The following ADGRL2 variants were observed in gnomAD, a reference collection of about 807,000 sequenced individuals.
ADGRL2 encodes calcium-independent alpha-latrotoxin receptor 2.
In ADGRL2, 44 loss-of-function variants were observed where a neutral mutation model predicts 157.4. That is an observed-to-expected ratio of 0.28 (90% CI 0.22 to 0.36). ADGRL2 has a LOEUF of 0.36. Ranked by LOEUF, ADGRL2 falls within the 10% of genes least tolerant of loss-of-function variation. ADGRL2 has a pLI of 1.00. For missense variants in ADGRL2, 1,510 were observed against 1,768.9 expected, an observed-to-expected ratio of 0.85 and a Z score of 2.63; for synonymous variants, 585 against 624.7, an observed-to-expected ratio of 0.94 and a Z score of 0.95.
chr1:81,851,488 C>CT (rs2093004009), intron 2 of ADGRL2, among the ~76,000 whole-genome samples: 1 of 151,686 alleles, frequency 6.6e-6, no homozygotes, highest in African/African-American at 2.4e-5. Context: ...AGAAAATCCT[C>CT]TGTGATTTTA....
At chr1:81,485,014 A>G (rs2078470320) in intron 2 of ADGRL2, among the ~76,000 whole-genome samples, 1 of 152,142 alleles carries the variant, frequency 6.6e-6, no homozygotes, top group African/African-American at 2.4e-5. Context: ...GGAAAAACTA[A>G]AAGTTTCATC....
chr1:81,821,009 G>A (rs959208640), intron 1 of ADGRL2, among the ~76,000 whole-genome samples: 15 of 152,214 alleles, frequency 9.9e-5, no homozygotes, highest in African/African-American at 3.6e-4. Flanking sequence ...CCTGGTGTGT[G>A]ATGGCTTGCT....
At chr1:81,554,786 T>A (rs2080233043) in intron 2 of ADGRL2, among the ~76,000 whole-genome samples, 1 of 152,110 alleles carries the variant, frequency 6.6e-6, no homozygotes, top group Non-Finnish European at 1.5e-5. Flanking sequence ...AGGGGATTTG[T>A]TGGTGTCAGG....
At chr1:81,948,518 G>A (rs1650671739) in intron 6 of ADGRL2, among the ~76,000 whole-genome samples, 2 of 152,128 alleles carry the variant, frequency 1.3e-5, no homozygotes, top group Admixed American at 6.6e-5. Flanking sequence ...TTTCTGTTCT[G>A]ATTCCCGACT....
intron 2 of ADGRL2, among the ~76,000 whole-genome samples, chr1:81,551,694 T>G (rs1003043817): frequency 4.6e-5 from 7 of 152,118 alleles, no homozygotes; most frequent in Non-Finnish European, 1.0e-4. Flanking sequence ...AAATAGGAAA[T>G]TAAGATCTAG....
At chr1:81,505,828 T>C (rs1246805246) in intron 2 of ADGRL2, among the ~76,000 whole-genome samples, 2 of 152,140 alleles carry the variant, frequency 1.3e-5, no homozygotes, top group African/African-American at 4.8e-5. Context: ...ACGTTTTTAC[T>C]TTCTGATATC....
At chr1:81,884,472 C>G (rs1371224239) in intron 2 of ADGRL2, among the ~76,000 whole-genome samples, 1 of 152,062 alleles carries the variant, frequency 6.6e-6, no homozygotes, top group Non-Finnish European at 1.5e-5. Flanking sequence ...AATTTCCTGC[C>G]TGGTATTTTA....
chr1:81,361,164 G>A (rs1368121807), intron 1 of ADGRL2, among the ~76,000 whole-genome samples: 1 of 151,882 alleles, frequency 6.6e-6, no homozygotes, highest in Non-Finnish European at 1.5e-5. Context: ...TCATTCGTTA[G>A]ATGATTCACT....
chr1:81,674,240 T>A (rs2082937009), intron 3 of ADGRL2, among the ~76,000 whole-genome samples: 1 of 152,326 alleles, frequency 6.6e-6, no homozygotes, highest in South Asian at 2.1e-4. Flanking sequence ...ACTTAGTAGT[T>A]GAATGACCTT....
At chr1:81,857,494 C>G (rs896374891) in intron 2 of ADGRL2, among the ~76,000 whole-genome samples, 6 of 152,154 alleles carry the variant, frequency 3.9e-5, no homozygotes, top group Non-Finnish European at 8.8e-5. Context: ...TGCCGGACAT[C>G]TTACTTAACT....
At chr1:81,959,989 G>A (rs1414175948) in intron 11 of ADGRL2, among the ~76,000 whole-genome samples, 2 of 151,826 alleles carry the variant, frequency 1.3e-5, no homozygotes, top group African/African-American at 2.4e-5. Context: ...TAGTTAAGAC[G>A]GGATTTCACC....
At chr1:81,765,756 T>G (rs1384355888) in intron 2 of ADGRL2, among the ~76,000 whole-genome samples, 1 of 152,072 alleles carries the variant, frequency 6.6e-6, no homozygotes, top group Non-Finnish European at 1.5e-5. Flanking sequence ...AAACATACTT[T>G]ATTTCTGAAA....
At chr1:81,427,633 A>T in intron 1 of ADGRL2, 1 of 619,262 alleles carries the variant, frequency 1.6e-6, no homozygotes, top group Non-Finnish European at 3.0e-6. Flanking sequence ...AAAGGGCTGC[A>T]GCTCTTAGCA....
chr1:81,391,158 C>T (rs377693036), intron 1 of ADGRL2, among the ~76,000 whole-genome samples: 268 of 152,090 alleles, frequency 1.8e-3, no homozygotes, highest in African/African-American at 6.2e-3. Flanking sequence ...TTATCTGAAA[C>T]TCACCAAAAT....
Position 81,884,608 on chromosome 1 carries a change from G to A in ADGRL2, c.74-22409G>A, listed in dbSNP as rs1212537098. Among the ~76,000 whole-genome samples, 5 of 152,162 alleles carry A rather than the reference G, an allele frequency of 3.3e-5. No individual in the cohort carries two copies. The East Asian group carries it at 7.7e-4, about 24-fold the overall frequency. On this transcript the variant is annotated intron_variant, in intron 2 of 23. Coordinates refer to ENST00000686636, the MANE Select transcript of ADGRL2 (RefSeq NM_001366006.2). ...GTATCTGCTCTTTCATATAACATTC[G>A]GAAACTCTTGTGACATAATCAGGGC... is the stretch of plus-strand genomic sequence containing the variant.
chr1:81,678,528 A>C (rs1026533881), intron 3 of ADGRL2, among the ~76,000 whole-genome samples: 8 of 152,216 alleles, frequency 5.3e-5, no homozygotes, highest in Non-Finnish European at 1.2e-4. Flanking sequence ...CTACTTGTTT[A>C]GACATAGCAT....
chr1:81,766,936 C>G (rs2086153741), intron 2 of ADGRL2, among the ~76,000 whole-genome samples: 1 of 151,560 alleles, frequency 6.6e-6, no homozygotes, highest in Non-Finnish European at 1.5e-5. Context: ...AATGCCCTTT[C>G]AAGCTTTCAG....
At chr1:81,907,363 A>G (rs1168571570) in intron 3 of ADGRL2, 133 bp downstream of exon 3, 4 of 658,226 alleles carry the variant, frequency 6.1e-6, no homozygotes, top group African/African-American at 1.8e-5. Context: ...GTTTTTACCT[A>G]CTAATGTTGA....
intron 3 of ADGRL2, among the ~76,000 whole-genome samples, chr1:81,589,640 C>T (rs1264337662): frequency 6.6e-6 from 1 of 152,124 alleles, no homozygotes; most frequent in Admixed American, 6.6e-5. Flanking sequence ...AGATAGAGGA[C>T]CTTCACCTAT....
Sources: allele counts gnomAD v4.1 joint callset (sites outside exome capture counted in the v4.1 genomes callset), GRCh38; gene constraint gnomAD v4.1.1; transcripts MANE v1.5; gene names NCBI Gene and HGNC (gene_info 2026-07-23, HGNC 2026-07-21).